The following RCC1L variants were observed in gnomAD, a reference collection of about 807,000 sequenced individuals.
RCC1L encodes the protein RCC1 like.
RCC1L carries 46 observed loss-of-function variants against 58.6 expected under a neutral mutation model. That is an observed-to-expected ratio of 0.79 (90% confidence interval 0.62 to 1.00). RCC1L has a LOEUF of 1.00. RCC1L is among the 50% of genes least tolerant of loss of function. The pLI is 0.00. For synonymous variants in RCC1L, 281 were observed against 262.9 expected (o/e 1.07, Z -0.67); for missense variants, 636 against 623.6 (o/e 1.02, Z -0.21).
intron 10 of RCC1L, chr7:75,028,191 C>T: frequency 9.9e-7 from 1 of 1,013,438 alleles, no homozygotes; most frequent in Non-Finnish European, 1.4e-6. Context: ...GATCTCAGCT[C>T]ACTGCAGCAA....
chr7:75,049,180 G>A (rs1226153908), intron 10 of RCC1L, among the ~76,000 whole-genome samples: 9 of 151,822 alleles, frequency 5.9e-5, no homozygotes, highest in African/African-American at 1.7e-4. Context: ...TATCCCCTAC[G>A]GAAGATTAAT....
At position 75,058,704 on chromosome 7, in the gene RCC1L, C is replaced by A; in HGVS notation, c.853G>T (p.Val285Phe). Reference sequence around the variant, plus strand: ...TCACCGTAGGTGGCAACTTGGATAACGTTCACTCCCGCCAGGTCTCCACCC... The same window carrying A: ...TCACCGTAGGTGGCAACTTGGATAAAGTTCACTCCCGCCAGGTCTCCACCC... ...KLGGDLAGVN[V>F]IQVATYGDCC... The change falls in exon 7 of 11, where the codon GTT (valine) becomes TTT (phenylalanine). Residue 285 changes from valine (V) to phenylalanine (F), a missense_variant. Physicochemically the swap from Val to Phe is conservative, Grantham distance 50. Transcript: ENST00000610322. 2 of 1,613,994 alleles carry A rather than the reference C, an allele frequency of 1.2e-6. No individual in the cohort carries two copies. Among genetic ancestry groups the A allele is most frequent in the Non-Finnish European group, 1.7e-6 (2 of 1,179,866 alleles).
chr7:75,041,801 T>C (rs1342865962), downstream of RCC1L, among the ~76,000 whole-genome samples: 3 of 148,254 alleles, frequency 2.0e-5, no homozygotes, highest in African/African-American at 5.0e-5. Context: ...GGGGTGGAGG[T>C]TGCAGTGAGC....
At chr7:75,031,829 A>C in intron 10 of RCC1L, among the ~76,000 whole-genome samples, 1 of 152,126 alleles carries the variant, frequency 6.6e-6, no homozygotes, top group Non-Finnish European at 1.5e-5. Flanking sequence ...GTCACTCATG[A>C]GGTTGCCGTT....
In RCC1L at chr7:75,042,996, T is replaced by C; in HGVS notation, c.*36A>G. ...GCCTCTGCCAAGGAGTGCCAGTGGT[T>C]CCCGGGACGGGGCCGCCCAAGCAGG... On this transcript the variant is annotated 3_prime_UTR_variant, in exon 11 of 11. Transcript: ENST00000610322. 6.2e-7 allele frequency: 1 copy of C among 1,613,958 alleles called. No individual in the cohort carries two copies. Among genetic ancestry groups the C allele is most frequent in the Non-Finnish European group, 8.5e-7 (1 of 1,179,844 alleles).
downstream of RCC1L, among the ~76,000 whole-genome samples, chr7:75,039,846 T>C (rs2042351184): frequency 6.6e-6 from 1 of 152,098 alleles, no homozygotes; most frequent in African/African-American, 2.4e-5. Context: ...CAAACACTGA[T>C]TTTTTGCAGG....
At chr7:75,064,517 A>C in intron 4 of RCC1L, 65 bp downstream of exon 4, 2 of 1,590,622 alleles carry the variant, frequency 1.3e-6, no homozygotes, top group Non-Finnish European at 1.7e-6. Flanking sequence ...TACCACAGTC[A>C]TCTCCCTAGA....
At chr7:75,055,782 A>G in intron 9 of RCC1L, 119 bp downstream of exon 9, 1 of 1,208,408 alleles carries the variant, frequency 8.3e-7, no homozygotes, top group Non-Finnish European at 1.2e-6. Context: ...AGTTATCAGT[A>G]CAAAGGCGCC....
chr7:75,041,863 C>CAAAAAAAAAAA (rs1201913828), downstream of RCC1L, among the ~76,000 whole-genome samples: 23 of 64,258 alleles, frequency 3.6e-4, no homozygotes, highest in East Asian at 5.7e-4. Flanking sequence ...GACTCTGTCT[C>CAAAAAAAAAAA]AAAAAAAAAA....
chr7:75,055,709 G>GA, intron 9 of RCC1L, 192 bp downstream of exon 9: 2 of 665,092 alleles, frequency 3.0e-6, no homozygotes, highest in Middle Eastern at 4.2e-4. Context: ...TAAAACTCCA[G>GA]GGGGGGAAAA....
At chr7:75,073,313 C>G (rs1311432382) in intron 1 of RCC1L, 101 bp downstream of exon 1, 1 of 525,024 alleles carries the variant, frequency 1.9e-6, no homozygotes. Flanking sequence ...GAAGTCTGTC[C>G]ACCCAGAGGA....
At chr7:75,067,560 C>A (rs1398041066) in intron 2 of RCC1L, among the ~76,000 whole-genome samples, 1 of 151,952 alleles carries the variant, frequency 6.6e-6, no homozygotes, top group East Asian at 1.9e-4. Flanking sequence ...ACCCAGGAGG[C>A]GGAGGTTGCC....
Position 75,073,462 on chromosome 7 carries a change from C to A in RCC1L, c.276G>T (p.Pro92=). ...SGPGPRAGAR[P]RRRIQPVPYR... is the part of the protein sequence containing the mutation. Reference sequence around the variant, plus strand: ...AGGGCACGGGCTGGATCCTGCGGCGCGGTCGGGCGCCGGCGCGGGGCCCGG... The same window carrying A: ...AGGGCACGGGCTGGATCCTGCGGCGAGGTCGGGCGCCGGCGCGGGGCCCGG... The change falls in exon 1 of 11, where the codon CCG becomes CCT. Residue 92 remains proline (P), a synonymous_variant. Coordinates refer to ENST00000610322, the MANE Select transcript of RCC1L (RefSeq NM_030798.5). The A allele has an allele frequency of 7.3e-7, 1 of 1,374,282 alleles. No individual in the cohort carries two copies. 85.1% of individuals were successfully genotyped at this position (1,374,282 alleles called of 1,614,324 possible). A position where few individuals can be genotyped will look rare whatever the true frequency, so the allele number is the denominator to read the frequency against.
chr7:75,036,236 C>G (rs956845987), intron 10 of RCC1L, among the ~76,000 whole-genome samples: 14 of 150,910 alleles, frequency 9.3e-5, no homozygotes, highest in Non-Finnish European at 7.4e-5. Flanking sequence ...CCTGCCTCAG[C>G]CTCCCGGGTA....
At chr7:75,030,944 C>T (rs1324033266) in intron 10 of RCC1L, among the ~76,000 whole-genome samples, 1 of 152,196 alleles carries the variant, frequency 6.6e-6, no homozygotes, top group Admixed American at 6.5e-5. Flanking sequence ...TTGGAGACCC[C>T]TGCCCCTCAC....
At position 75,050,254 on chromosome 7, in the gene RCC1L, C is replaced by A. The variant is rs999050228; in HGVS notation, c.1317+2457G>T. ...CTGAGATCATGCCACTGCACTCAAG[C>A]CTGGGCAACAGAGCAAGACTCCATC... On this transcript the variant is annotated intron_variant, in intron 10 of 10. Coordinates refer to ENST00000610322, the MANE Select transcript of RCC1L (RefSeq NM_030798.5). Among the ~76,000 whole-genome samples the A allele has an allele frequency of 5.3e-4, 80 of 152,198 alleles. 2 individuals are homozygous for A. The highest frequency in any genetic ancestry group is 5.9e-5 in the Non-Finnish European group (4 of 67,998).
intron 7 of RCC1L, 170 bp from the exon 8 acceptor site, chr7:75,057,786 A>C: frequency 2.2e-5 from 16 of 713,598 alleles, no homozygotes; most frequent in Non-Finnish European, 4.1e-5. Context: ...TAGAATGGGA[A>C]GCAAAAGAGG....
chr7:75,069,736 T>C (rs1167473163), intron 2 of RCC1L, among the ~76,000 whole-genome samples: 1 of 152,074 alleles, frequency 6.6e-6, no homozygotes, highest in African/African-American at 2.4e-5. Context: ...GCTAATTTTT[T>C]ATATTTTTAG....
At chr7:75,053,338 C>T (rs1437797933) in intron 9 of RCC1L, among the ~76,000 whole-genome samples, 1 of 152,134 alleles carries the variant, frequency 6.6e-6, no homozygotes, top group Non-Finnish European at 1.5e-5. Context: ...CTGCTCACCC[C>T]TTGTGCCCCG....
Sources: allele counts gnomAD v4.1 joint callset (sites outside exome capture counted in the v4.1 genomes callset), GRCh38; gene constraint gnomAD v4.1.1; transcripts MANE v1.5; gene names NCBI Gene and HGNC (gene_info 2026-07-23, HGNC 2026-07-21).